MAT2B: variants seen among roughly 807,000 people sequenced by gnomAD.
MAT2B encodes the protein methionine adenosyltransferase 2 subunit beta.
MAT2B carries 16 observed loss-of-function variants against 36.1 expected under a neutral mutation model. The ratio of observed to expected loss-of-function variants is 0.44; its 90% CI spans 0.30 to 0.67. The LOEUF (loss-of-function observed/expected upper bound fraction) is 0.67. Ranked by LOEUF, MAT2B falls within the 30% of genes least tolerant of loss-of-function variation. The pLI, the probability that MAT2B is intolerant of heterozygous loss-of-function variation, is 0.09. For synonymous variants in MAT2B, 148 were observed against 136.9 expected (o/e 1.08, Z -0.57); for missense variants, 332 against 398.2 (o/e 0.83, Z 1.42).
At chr5:163,509,447 C>CAAGT (rs947937846) in intron 1 of MAT2B, among the ~76,000 whole-genome samples, 7 of 152,146 alleles carry the variant, frequency 4.6e-5, no homozygotes, top group African/African-American at 1.7e-4. Context: ...CTCCAAATCA[C>CAAGT]GATGATCAGC....
At chr5:163,516,432 ATAT>A (rs777456138) in intron 4 of MAT2B, 83 bp from the exon 5 acceptor site, 23 of 1,055,860 alleles carry the variant, frequency 2.2e-5, no homozygotes, top group Non-Finnish European at 3.1e-5. Context: ...TTCTACTTTG[ATAT>A]TATTTAAATC....
At position 163,512,020 on chromosome 5, in the gene MAT2B, A is replaced by T. The variant is rs370620878; in HGVS notation, c.82A>T (p.Asn28Tyr). ...RLVEEEVNIP[N>Y]RRVLVTGATG... ...CTTTTAGGAGGAAGTTAACATCCCTAATAGGAGGGTTCTGGTTACTGGTGC... is the reference window on the plus strand; with the variant it reads ...CTTTTAGGAGGAAGTTAACATCCCTTATAGGAGGGTTCTGGTTACTGGTGC... The change falls in exon 2 of 7, where the codon AAT becomes TAT. Residue 28 changes from asparagine to tyrosine, a missense_variant. Coordinates refer to ENST00000321757, the MANE Select transcript of MAT2B (RefSeq NM_013283.5). 2.1e-5 allele frequency: 34 copies of T among 1,613,558 alleles called. No individual in the cohort carries two copies. The highest frequency in any genetic ancestry group is 1.6e-4 in the Middle Eastern group (1 of 6,080).
chr5:163,507,526 C>T (rs1338206559), intron 1 of MAT2B, among the ~76,000 whole-genome samples: 3 of 152,102 alleles, frequency 2.0e-5, no homozygotes, highest in Admixed American at 1.3e-4. Context: ...CTACTTTCCC[C>T]CATATAATAA....
At chr5:163,505,770 G>A (rs1167248082) in intron 1 of MAT2B, 21 bp downstream of exon 1, 1 of 1,262,410 alleles carries the variant, frequency 7.9e-7, no homozygotes, top group Non-Finnish European at 1.0e-6. Context: ...CGGCCTGGGC[G>A]TCTCCGGTGG....
At chr5:163,517,840 G>C in intron 6 of MAT2B, 166 bp downstream of exon 6, 1 of 527,504 alleles carries the variant, frequency 1.9e-6, no homozygotes, top group Non-Finnish European at 3.4e-6. Context: ...AAGATCATGA[G>C]TATTGAAGTT....
intron 1 of MAT2B, among the ~76,000 whole-genome samples, chr5:163,509,560 A>G (rs1369890480): frequency 6.6e-6 from 1 of 152,240 alleles, no homozygotes; most frequent in Non-Finnish European, 1.5e-5. Context: ...CTGAAGCACG[A>G]GAACCACTGA....
At chr5:163,510,619 A>C (rs1163344077) in intron 1 of MAT2B, among the ~76,000 whole-genome samples, 1 of 151,520 alleles carries the variant, frequency 6.6e-6, no homozygotes, top group Non-Finnish European at 1.5e-5. Flanking sequence ...CTGGTCTTGA[A>C]CTCCTGACCT....
At chr5:163,514,314 T>C (rs538327104) in intron 4 of MAT2B, among the ~76,000 whole-genome samples, 10 of 151,252 alleles carry the variant, frequency 6.6e-5, no homozygotes, top group Admixed American at 5.2e-4. Context: ...GTTTATGTAT[T>C]CTGTTATATG....
chr5:163,516,399 A>G lies in MAT2B; in HGVS notation c.527-119A>G, dbSNP rs1760133765. 6.6e-6 allele frequency: 5 copies of G among 758,120 alleles called. No individual in the cohort carries two copies. The Admixed American group carries it at 1.1e-4, about 17-fold the overall frequency. 47.0% of individuals were successfully genotyped at this position (758,120 alleles called of 1,614,324 possible). A position where few individuals can be genotyped will look rare whatever the true frequency, so the allele number is the denominator to read the frequency against. On this transcript the variant is annotated intron_variant, in intron 4 of 6. Coordinates refer to ENST00000321757, the MANE Select transcript of MAT2B (RefSeq NM_013283.5). ...CACAAGTGAGCTGTGTCATTTTGGTATATTTTAATTAAAAGGCAAGGTTTC... is the reference window on the plus strand; with the variant it reads ...CACAAGTGAGCTGTGTCATTTTGGTGTATTTTAATTAAAAGGCAAGGTTTC...
At chr5:163,509,519 C>A (rs1418242099) in intron 1 of MAT2B, among the ~76,000 whole-genome samples, 1 of 152,158 alleles carries the variant, frequency 6.6e-6, no homozygotes, top group Non-Finnish European at 1.5e-5. Flanking sequence ...CCTTTGTGAT[C>A]TAAAAGCCCT....
At chr5:163,508,137 A>T (rs1561655623) in intron 1 of MAT2B, among the ~76,000 whole-genome samples, 1 of 152,252 alleles carries the variant, frequency 6.6e-6, no homozygotes, top group Non-Finnish European at 1.5e-5. Context: ...AGCAAGACTC[A>T]GGTTCTGGTT....
Position 163,512,147 on chromosome 5 carries a change from T to A in MAT2B, c.209T>A (p.Val70Asp). 1 of 1,614,148 alleles carries A rather than the reference T, an allele frequency of 6.2e-7. No individual in the cohort carries two copies. Among genetic ancestry groups the A allele is most frequent in the Non-Finnish European group, 8.5e-7 (1 of 1,179,986 alleles). The change falls in exon 2 of 7, where the codon GTT (valine) becomes GAT (aspartate). Residue 70 changes from valine to aspartate, a missense_variant. Transcript: ENST00000321757. The part of the protein sequence containing the change: ...FRRARPKFEQ[V>D]NLLDSNAVHH... The stretch of plus-strand genomic sequence containing the variant: ...AGAGCAAGACCAAAATTTGAACAGG[T>A]TAATCTGTTGGATTCTAATGCAGTT...
intron 1 of MAT2B, among the ~76,000 whole-genome samples, chr5:163,508,290 T>G (rs925997127): frequency 6.6e-6 from 1 of 152,248 alleles, no homozygotes; most frequent in East Asian, 1.9e-4. Flanking sequence ...CCGTCTGAAG[T>G]GCAGTGGCTC....
intron 4 of MAT2B, among the ~76,000 whole-genome samples, chr5:163,515,739 A>G (rs1760119882): frequency 6.6e-6 from 1 of 150,974 alleles, no homozygotes; most frequent in Non-Finnish European, 1.5e-5. Context: ...AAATGACAGA[A>G]GATACTTAAC....
At chr5:163,518,023 C>A in intron 6 of MAT2B, 170 bp from the exon 7 acceptor site, 1 of 535,950 alleles carries the variant, frequency 1.9e-6, no homozygotes, top group Non-Finnish European at 3.2e-6. Context: ...GAGGCTGACG[C>A]AGGAGGATCC....
chr5:163,511,439 CTTTTTTTTTTTTTT>C (rs60009583), intron 1 of MAT2B, among the ~76,000 whole-genome samples: 2 of 69,548 alleles, frequency 2.9e-5, no homozygotes, highest in South Asian at 6.3e-4. Flanking sequence ...CTAATTTTTG[CTTTTTTTTTTTTTT>C]TTTTTTTTTT....
intron 2 of MAT2B, 148 bp downstream of exon 2, chr5:163,512,344 CA>C: frequency 1.5e-6 from 1 of 687,398 alleles, no homozygotes; most frequent in Non-Finnish European, 2.5e-6. Flanking sequence ...TTTAGCATGA[CA>C]TGGTATATGT....
In MAT2B at chr5:163,506,163, C is replaced by T. The variant is rs1157271571; in HGVS notation, c.63+414C>T. Among the ~76,000 whole-genome samples the T allele has an allele frequency of 2.0e-5, 3 of 152,206 alleles. No homozygotes were observed. The East Asian group carries it at 5.8e-4, about 29-fold the overall frequency. On this transcript the variant is annotated intron_variant, in intron 1 of 6. Transcript: ENST00000321757. ...AGGTGACTTCTCACAAATAACAGTG[C>T]TGGAGATGACAACTTATTGAACTCT...
At chr5:163,515,911 A>G (rs971056156) in intron 4 of MAT2B, among the ~76,000 whole-genome samples, 6 of 147,930 alleles carry the variant, frequency 4.1e-5, no homozygotes, top group African/African-American at 1.2e-4. Context: ...ATTTTTTTAC[A>G]TTTTGTAGAG....
Sources: allele counts gnomAD v4.1 joint callset (sites outside exome capture counted in the v4.1 genomes callset), GRCh38; gene constraint gnomAD v4.1.1; transcripts MANE v1.5; gene names NCBI Gene and HGNC (gene_info 2026-07-23, HGNC 2026-07-21).